DBF4: variants seen among roughly 807,000 people sequenced by gnomAD.
The protein encoded by DBF4 is protein DBF4 homolog A.
In DBF4, 25 loss-of-function variants were observed where a neutral mutation model predicts 76.6. The observed-to-expected ratio is 0.33, with a 90% CI of 0.24 to 0.46. The LOEUF is 0.46. Ranked by LOEUF, DBF4 falls within the 20% of genes least tolerant of loss-of-function variation. DBF4 has a pLI of 1.00. For synonymous variants in DBF4, 213 were observed against 258.0 expected (o/e 0.83, Z 1.67); for missense variants, 638 against 760.8 (o/e 0.84, Z 1.90).
chr7:87,907,544 T>G lies in DBF4; in HGVS notation c.1406T>G (p.Leu469Ter). 6.2e-7 allele frequency: 1 copy of G among 1,614,058 alleles called. No individual in the cohort carries two copies. The highest frequency in any genetic ancestry group is 8.5e-7 in the Non-Finnish European group (1 of 1,179,956). The change falls in exon 12 of 12, where the codon TTA becomes TGA. Residue 469 changes from leucine (L) to a stop codon, truncating the protein, a stop_gained. Transcript: ENST00000265728. LOFTEE classifies it high-confidence loss of function. ...ECILDISEHT[L>*]SENDLEELRV... ...ATTCTTGACATTTCCGAACACACAT[T>G]AAGTGAAAATGACTTAGAAGAACTA...
chr7:87,885,485 G>A (rs1304348633), intron 3 of DBF4, among the ~76,000 whole-genome samples: 2 of 152,198 alleles, frequency 1.3e-5, no homozygotes, highest in East Asian at 1.9e-4. Flanking sequence ...TTCAGAGCAG[G>A]GGTCAGCAAA....
At position 87,876,713 on chromosome 7, in the gene DBF4, G is replaced by A; in HGVS notation, c.-20G>A. 2 of 1,614,016 alleles carry A rather than the reference G, an allele frequency of 1.2e-6. No homozygotes were observed. Among genetic ancestry groups the A allele is most frequent in the Non-Finnish European group, 1.7e-6 (2 of 1,179,992 alleles). ...GCGACACTTTCTCCGGACCCAGCAT[G>A]TAGGTGCCGGGCGACTGCCATGAAC... On this transcript the variant is annotated 5_prime_UTR_variant, in exon 1 of 12. It removes an upstream start codon present in the reference 5' UTR. Transcript: ENST00000265728.
At position 87,900,287 on chromosome 7, in the gene DBF4, C is replaced by G; in HGVS notation, c.747C>G (p.Pro249=). The G allele has an allele frequency of 6.2e-7, 1 of 1,604,656 alleles. No individual in the cohort carries two copies. Among genetic ancestry groups the G allele is most frequent in the South Asian group, 1.1e-5 (1 of 89,496 alleles). The part of the protein sequence containing the change: ...MPFINYSIQK[P]CSPFDVDKPS... ...TTATAAATTATTCTATTCAGAAGCC[C>G]TGCAGTCCATTTGATGTAGACAAGC... is the stretch of plus-strand genomic sequence containing the variant. The change falls in exon 9 of 12, where the codon CCC becomes CCG. Residue 249 remains proline, a synonymous_variant. Transcript: ENST00000265728.
chr7:87,884,671 G>A (rs1382466066), intron 2 of DBF4, among the ~76,000 whole-genome samples: 1 of 152,168 alleles, frequency 6.6e-6, no homozygotes, highest in East Asian at 1.9e-4. Context: ...CTTCCTCAGA[G>A]ATCTAGGTTC....
intron 3 of DBF4, among the ~76,000 whole-genome samples, chr7:87,886,535 CAAAAAAAAAA>C (rs11411808): frequency 7.4e-5 from 4 of 54,238 alleles, no homozygotes; most frequent in African/African-American, 1.3e-4. Context: ...ACTTTGTCTC[CAAAAAAAAAA>C]AAAAAAAAAA....
chr7:87,896,672 C>T (rs190156648), intron 7 of DBF4, among the ~76,000 whole-genome samples, 162 bp downstream of exon 7: 3 of 152,226 alleles, frequency 2.0e-5, no homozygotes, highest in East Asian at 1.9e-4. Flanking sequence ...CTGTGGACCG[C>T]ATTTTCAGAA....
intron 3 of DBF4, among the ~76,000 whole-genome samples, chr7:87,886,144 A>T (rs1046658367): frequency 2.0e-5 from 3 of 152,172 alleles, no homozygotes; most frequent in Non-Finnish European, 4.4e-5. Flanking sequence ...TCTCTGAGTT[A>T]ATGCTTTTTT....
intron 6 of DBF4, 103 bp downstream of exon 6, chr7:87,888,162 T>C: frequency 7.5e-7 from 1 of 1,340,464 alleles, no homozygotes; most frequent in South Asian, 1.7e-5. Context: ...GGGGCAAGCC[T>C]GTGTATGATG....
chr7:87,903,775 C>G (rs80061430), intron 10 of DBF4, among the ~76,000 whole-genome samples: 41,922 of 148,980 alleles, frequency 0.28, 7,232 homozygotes, highest in African/African-American at 0.48. Context: ...GCTCACTGCA[C>G]CCTCCACCTC....
intron 9 of DBF4, 62 bp downstream of exon 9, chr7:87,900,411 A>G: frequency 6.6e-7 from 1 of 1,509,324 alleles, no homozygotes; most frequent in Non-Finnish European, 8.9e-7. Flanking sequence ...TTTTCTTTGT[A>G]AAGATTTGAA....
chr7:87,908,329 T>A lies in DBF4; in HGVS notation c.*166T>A. On this transcript the variant is annotated 3_prime_UTR_variant, in exon 12 of 12. Coordinates refer to ENST00000265728, the MANE Select transcript of DBF4 (RefSeq NM_006716.4). ...ATTTTCTACAGAATTGAATACCTGT[T>A]AAAGAAAAATTACAGAATAAACTTG... is the stretch of plus-strand genomic sequence containing the variant. 1 of 605,066 alleles carries A rather than the reference T, an allele frequency of 1.7e-6. No homozygotes were observed. Among genetic ancestry groups the A allele is most frequent in the Non-Finnish European group, 2.5e-6 (1 of 405,856 alleles). The allele number at this position is 605,066 out of a possible 1,614,324, so 37.5% of individuals were successfully genotyped here.
In DBF4 at chr7:87,907,314, G is replaced by A; in HGVS notation, c.1176G>A (p.Val392=). The A allele has an allele frequency of 6.2e-7, 1 of 1,613,994 alleles. No homozygotes were observed. The highest frequency in any genetic ancestry group is 2.2e-5 in the East Asian group (1 of 44,852). ...ATTGCCAGGAAGATGATACAACAGT[G>A]AAGGAGCAGAATTTCCTGTATAAAG... ...QKDCQEDDTT[V]KEQNFLYKET... is the part of the protein sequence containing the mutation. The change falls in exon 12 of 12, where the codon GTG becomes GTA. Residue 392 remains valine (V), a synonymous_variant. Coordinates refer to ENST00000265728, the MANE Select transcript of DBF4 (RefSeq NM_006716.4).
In DBF4 at chr7:87,887,403, G is replaced by T; in HGVS notation, c.520+5G>T. On this transcript the variant is annotated splice_donor_5th_base_variant and intron_variant, in intron 5 of 11. Coordinates refer to ENST00000265728, the MANE Select transcript of DBF4 (RefSeq NM_006716.4). ...TAAAAATTCTTCATATTGATGGTAA[G>T]GATTTTATAATTGTTTTTTGACAGT... is the stretch of plus-strand genomic sequence containing the variant. 9 of 1,567,872 alleles carry T rather than the reference G, an allele frequency of 5.7e-6. No individual in the cohort carries two copies. Among genetic ancestry groups the T allele is most frequent in the South Asian group, 1.1e-5 (1 of 88,136 alleles).
Position 87,907,788 on chromosome 7 carries a change from A to G in DBF4, c.1650A>G (p.Pro550=). The G allele has an allele frequency of 1.2e-6, 2 of 1,614,094 alleles. No individual in the cohort carries two copies. Among genetic ancestry groups the G allele is most frequent in the South Asian group, 1.1e-5 (1 of 91,072 alleles). ...QEHLTVQAKA[P]FHTPPEEPNE... ...ACCTAACTGTTCAGGCAAAGGCTCC[A>G]TTCCATACTCCTCCTGAGGAACCCA... Residue 550 remains proline, a synonymous_variant, in exon 12 of 12, where the codon CCA becomes CCG. Transcript: ENST00000265728.
rs1006886282 is a variant in DBF4 at position 87,876,837 on chromosome 7, A to G, written c.46+59A>G. The G allele has an allele frequency of 8.8e-6, 14 of 1,584,190 alleles. No individual in the cohort carries two copies. In the South Asian group the frequency reaches 1.6e-4, roughly 18 times the overall value. On this transcript the variant is annotated intron_variant, in intron 1 of 11. Coordinates refer to ENST00000265728, the MANE Select transcript of DBF4 (RefSeq NM_006716.4). ...AATCCTTTCCTCCCCTCGTGGTTCCACCATTGATTCTTCAGACTTCTCCCG... is the reference window on the plus strand; with the variant it reads ...AATCCTTTCCTCCCCTCGTGGTTCCGCCATTGATTCTTCAGACTTCTCCCG...
intron 2 of DBF4, among the ~76,000 whole-genome samples, chr7:87,883,421 A>G (rs2131044321): frequency 6.6e-6 from 1 of 152,252 alleles, no homozygotes; most frequent in East Asian, 1.9e-4. Flanking sequence ...TAAAATGGCT[A>G]ATTTTATATT....
chr7:87,905,866 A>C (rs1230451785), intron 11 of DBF4, among the ~76,000 whole-genome samples: 2 of 152,124 alleles, frequency 1.3e-5, no homozygotes, highest in Non-Finnish European at 2.9e-5. Flanking sequence ...TATTAAAACT[A>C]TGTGGGCTAC....
rs915024538 is a variant in DBF4, at chr7:87,876,559, G to C, written c.-174G>C. On this transcript the variant is annotated 5_prime_UTR_variant, in exon 1 of 12. Coordinates refer to ENST00000265728, the MANE Select transcript of DBF4 (RefSeq NM_006716.4). ...CTTCCTCCTCCGCGCCTTGGAGCCG[G>C]ATCCGGCCCCGGAAACCCGACCTGC... The C allele has an allele frequency of 3.8e-5, 25 of 664,986 alleles. No individual in the cohort carries two copies. Among genetic ancestry groups the C allele is most frequent in the Middle Eastern group, 4.1e-4 (1 of 2,444 alleles). The allele number at this position is 664,986 out of a possible 1,614,324, so 41.2% of individuals were successfully genotyped here. A position where few individuals can be genotyped will look rare whatever the true frequency, so the allele number is the denominator to read the frequency against.
chr7:87,886,772 T>G (rs562867154), intron 3 of DBF4, 72 bp from the exon 4 acceptor site: 88 of 943,016 alleles, frequency 9.3e-5, no homozygotes, highest in Non-Finnish European at 1.4e-4. Flanking sequence ...TTCTCTTTTC[T>G]TAGCTGCTTT....
Sources: allele counts gnomAD v4.1 joint callset (sites outside exome capture counted in the v4.1 genomes callset), GRCh38; gene constraint gnomAD v4.1.1; transcripts MANE v1.5; gene names NCBI Gene and HGNC (gene_info 2026-07-23, HGNC 2026-07-21).